Variants in TMTC2 observed in about 807,000 individuals in gnomAD.
The protein encoded by TMTC2 is transmembrane O-mannosyltransferase targeting cadherins 2, also known as protein O-mannosyl-transferase TMTC2.
In TMTC2, 43 loss-of-function variants were observed where a neutral mutation model predicts 82.4. That is an observed-to-expected ratio of 0.52 (90% CI 0.41 to 0.67). The LOEUF (loss-of-function observed/expected upper bound fraction) is 0.67, where lower values mean the gene tolerates loss of function less well. TMTC2 is among the 30% of genes least tolerant of loss of function. TMTC2 has a pLI of 0.00. For synonymous variants in TMTC2, 408 were observed against 381.9 expected (o/e 1.07, Z -0.80); for missense variants, 919 against 1,012.4 (o/e 0.91, Z 1.25).
chr12:82,896,201 G>A lies in TMTC2; in HGVS notation c.1038G>A (p.Lys346=), dbSNP rs201132810. 2.3e-5 allele frequency: 37 copies of A among 1,614,012 alleles called. No homozygotes were observed. In the Admixed American group the frequency reaches 5.0e-4, roughly 22 times the overall value. ...ATGGGAAAACTGTAACAAATGGCAA[G>A]CAGAATGCAAATGGACATAGCTGCC... is the stretch of plus-strand genomic sequence containing the variant. The part of the protein sequence containing the change: ...ECNGKTVTNG[K]QNANGHSCLS... The change falls in exon 3 of 12, where the codon AAG becomes AAA. Residue 346 remains lysine (K), a synonymous_variant. Coordinates refer to ENST00000321196, the MANE Select transcript of TMTC2 (RefSeq NM_152588.3).
At chr12:82,834,049 A>T (rs1869894350) in intron 1 of TMTC2, among the ~76,000 whole-genome samples, 1 of 152,238 alleles carries the variant, frequency 6.6e-6, no homozygotes, top group Non-Finnish European at 1.5e-5. Context: ...AGGGATGTAC[A>T]TGTAACCATT....
chr12:83,039,374 A>T (rs1201453863), intron 9 of TMTC2, among the ~76,000 whole-genome samples: 4 of 152,144 alleles, frequency 2.6e-5, no homozygotes, highest in Non-Finnish European at 5.9e-5. Context: ...GTAGAGAAAG[A>T]TCACTTGCAT....
intron 1 of TMTC2, among the ~76,000 whole-genome samples, chr12:82,701,487 C>G (rs1210764017): frequency 6.6e-6 from 1 of 151,366 alleles, no homozygotes; most frequent in African/African-American, 2.4e-5. Context: ...CACTGTGGCT[C>G]AAGCCTGTAA....
chr12:83,097,226 C>A (rs1313678503), intron 11 of TMTC2, among the ~76,000 whole-genome samples: 1 of 152,180 alleles, frequency 6.6e-6, no homozygotes, highest in Middle Eastern at 3.2e-3. Flanking sequence ...TAGTTTGCAT[C>A]TGTGTCCTGA....
At chr12:83,077,244 A>G (rs1015199281) in intron 11 of TMTC2, among the ~76,000 whole-genome samples, 1 of 152,222 alleles carries the variant, frequency 6.6e-6, no homozygotes, top group Admixed American at 6.5e-5. Flanking sequence ...TGCGGCAGCC[A>G]TAAGACACTC....
At chr12:83,065,620 GT>G (rs1034900648) in intron 11 of TMTC2, among the ~76,000 whole-genome samples, 1 of 151,632 alleles carries the variant, frequency 6.6e-6, no homozygotes, top group African/African-American at 2.4e-5. Context: ...GCCATTTTAA[GT>G]TTTTTTAGTT....
intron 2 of TMTC2, among the ~76,000 whole-genome samples, chr12:82,889,366 A>G (rs759137012): frequency 6.6e-6 from 1 of 152,102 alleles, no homozygotes; most frequent in Non-Finnish European, 1.5e-5. Flanking sequence ...TATTTTTTAA[A>G]TCTAGTCAGT....
intron 10 of TMTC2, among the ~76,000 whole-genome samples, chr12:83,055,117 C>T (rs1441925342): frequency 3.9e-5 from 6 of 152,014 alleles, no homozygotes; most frequent in Admixed American, 2.0e-4. Context: ...GCAGAGTGTG[C>T]ATCACATTTA....
At chr12:82,816,433 G>C (rs1293958281) in intron 1 of TMTC2, among the ~76,000 whole-genome samples, 2 of 151,962 alleles carry the variant, frequency 1.3e-5, no homozygotes, top group Non-Finnish European at 2.9e-5. Context: ...AATTCTTTGG[G>C]GGGCCGCAGA....
intron 11 of TMTC2, among the ~76,000 whole-genome samples, chr12:83,095,507 T>A (rs1449871620): frequency 1.3e-5 from 2 of 152,184 alleles, no homozygotes; most frequent in Non-Finnish European, 2.9e-5. Flanking sequence ...CCCAAAGTGC[T>A]GGGATTACAG....
chr12:83,089,044 C>T (rs75224184), intron 11 of TMTC2, among the ~76,000 whole-genome samples: 8,413 of 152,156 alleles, frequency 0.055, 345 homozygotes, highest in East Asian at 0.22. Flanking sequence ...ATCATGACCA[C>T]GGGGGAAACT....
Position 83,008,420 on chromosome 12 carries a change from G to A in TMTC2, c.2070+22374G>A, listed in dbSNP as rs114106253. ...ATTTAGAAGTTTCTGTTGACCCTTC[G>A]TCAAGCTCACTGATTCTTTCCTTAG... On this transcript the variant is annotated intron_variant, in intron 8 of 11. Coordinates refer to ENST00000321196, the MANE Select transcript of TMTC2 (RefSeq NM_152588.3). Among the ~76,000 whole-genome samples the A allele has an allele frequency of 2.4e-3, 369 of 151,974 alleles. 3 individuals are homozygous for A. Among genetic ancestry groups the A allele is most frequent in the African/African-American group, 8.2e-3 (341 of 41,462 alleles).
chr12:83,011,561 G>T (rs749509025), intron 8 of TMTC2, among the ~76,000 whole-genome samples: 2 of 152,230 alleles, frequency 1.3e-5, no homozygotes, highest in Non-Finnish European at 2.9e-5. Context: ...AACTGTACTC[G>T]TTCAGCCTTA....
rs536018490 is a variant in TMTC2, at chr12:82,837,192, A to G, written c.84-19818A>G. Among the ~76,000 whole-genome samples the G allele has an allele frequency of 5.3e-5, 8 of 152,342 alleles. No homozygotes were observed. The South Asian group carries it at 1.7e-3, about 32-fold the overall frequency. On this transcript the variant is annotated intron_variant, in intron 1 of 11. Transcript: ENST00000321196. ...AGCTTTTGTTCTTAACATGAATTAT[A>G]CTAGAAGCTGGCTTAGCATGGGTTT...
chr12:82,896,656 T>C lies in TMTC2; in HGVS notation c.1483+10T>C. 2 of 1,578,280 alleles carry C rather than the reference T, an allele frequency of 1.3e-6. No homozygotes were observed. Among genetic ancestry groups the C allele is most frequent in the Non-Finnish European group, 1.7e-6 (2 of 1,163,976 alleles). On this transcript the variant is annotated intron_variant, in intron 3 of 11. Transcript: ENST00000321196. ...GTAAACCCAGCTAAAGGTAATCTTTTATTTTATGCTTTTGTCTGGATAGTT... is the reference window on the plus strand; with the variant it reads ...GTAAACCCAGCTAAAGGTAATCTTTCATTTTATGCTTTTGTCTGGATAGTT...
chr12:83,067,480 G>T (rs1882961578), intron 11 of TMTC2, among the ~76,000 whole-genome samples: 1 of 151,940 alleles, frequency 6.6e-6, no homozygotes, highest in Non-Finnish European at 1.5e-5. Context: ...GATATTTAAG[G>T]GTTGCTTCCT....
rs138547907 is a variant in TMTC2, at chr12:82,874,409, C to A, written c.654+16829C>A. ...TTTAAAATATAATTTTACTGCTAAG[C>A]CATTTTTGGGTAAAATCATAATTTC... On this transcript the variant is annotated intron_variant, in intron 2 of 11. Coordinates refer to ENST00000321196, the MANE Select transcript of TMTC2 (RefSeq NM_152588.3). Among the ~76,000 whole-genome samples, 1,097 of 152,270 alleles carry A rather than the reference C, an allele frequency of 7.2e-3. 2 individuals carry two copies. The highest frequency in any genetic ancestry group is 0.02 in the Middle Eastern group (6 of 294).
intron 1 of TMTC2, among the ~76,000 whole-genome samples, chr12:82,782,825 A>C (rs534738429): frequency 1.9e-4 from 29 of 152,272 alleles, no homozygotes; most frequent in African/African-American, 6.3e-4. Context: ...AGTTACTTCT[A>C]AGTAGCCTCT....
intron 1 of TMTC2, among the ~76,000 whole-genome samples, chr12:82,763,636 A>G (rs1012437797): frequency 6.6e-6 from 1 of 152,232 alleles, no homozygotes; most frequent in Non-Finnish European, 1.5e-5. Flanking sequence ...GTTTTATCCT[A>G]ATAAATTCTA....
Sources: gnomAD v4.1 joint callset for allele counts (sites outside exome capture counted in the v4.1 genomes callset) on GRCh38, gnomAD v4.1.1 for gene constraint, MANE v1.5 for transcripts, NCBI Gene and HGNC (gene_info 2026-07-23, HGNC 2026-07-21) for gene names.